Variants in ACTN2 observed in about 807,000 individuals in gnomAD.
ACTN2 encodes actinin alpha 2.
ACTN2 carries 39 observed loss-of-function variants against 113.8 expected under a neutral mutation model. That is an observed-to-expected ratio of 0.34 (90% confidence interval 0.27 to 0.45). The LOEUF (loss-of-function observed/expected upper bound fraction) is 0.45, where lower values mean the gene tolerates loss of function less well. Among genes scored for constraint, ACTN2 ranks in the 20% least tolerant of loss-of-function variants. The pLI is 1.00. For synonymous variants in ACTN2, 429 were observed against 444.1 expected (o/e 0.97, Z 0.43); for missense variants, 992 against 1,177.9 (o/e 0.84, Z 2.31).
At chr1:236,710,362 A>AT (rs1335444846) in intron 1 of ACTN2, among the ~76,000 whole-genome samples, 4 of 152,172 alleles carry the variant, frequency 2.6e-5, no homozygotes, top group Non-Finnish European at 5.9e-5. Flanking sequence ...GGACATGCAC[A>AT]TTTTCTTTTT....
At chr1:236,748,583 C>G (rs1478064685) in intron 13 of ACTN2, among the ~76,000 whole-genome samples, 1 of 152,164 alleles carries the variant, frequency 6.6e-6, no homozygotes, top group Non-Finnish European at 1.5e-5. Context: ...TGCTTGAAAT[C>G]TTGTGCTTTC....
At chr1:236,725,820 A>G in intron 4 of ACTN2, 113 bp from the exon 5 acceptor site, 1 of 908,166 alleles carries the variant, frequency 1.1e-6, no homozygotes, top group Non-Finnish European at 1.9e-6. Flanking sequence ...AGGCTGTAGG[A>G]AGAGACCCCC....
At chr1:236,708,843 C>G (rs1030435366) in intron 1 of ACTN2, among the ~76,000 whole-genome samples, 1 of 152,106 alleles carries the variant, frequency 6.6e-6, no homozygotes, top group African/African-American at 2.4e-5. Context: ...AAGGGTAAAA[C>G]GGAAATTGCA....
chr1:236,686,630 C>G lies in ACTN2; in HGVS notation c.-44C>G, dbSNP rs1340471799. 1 of 1,529,750 alleles carries G rather than the reference C, an allele frequency of 6.5e-7. No individual in the cohort carries two copies. Among genetic ancestry groups the G allele is most frequent in the Middle Eastern group, 2.1e-4 (1 of 4,816 alleles). The allele number at this position is 1,529,750 out of a possible 1,614,324, so 94.8% of individuals were successfully genotyped here. On this transcript the variant is annotated 5_prime_UTR_variant, in exon 1 of 21. Transcript: ENST00000366578. ...TCCGTTTGCCAGTCAGCCCGTGCGT[C>G]CGAGCCCCTCGCGCCCCGCCGCAGC...
At chr1:236,751,210 T>TA (rs986909039) in intron 14 of ACTN2, among the ~76,000 whole-genome samples, 19 of 151,240 alleles carry the variant, frequency 1.3e-4, no homozygotes, top group African/African-American at 3.9e-4. Context: ...GAAAACTGAT[T>TA]AAAAAAAATT....
chr1:236,695,563 T>TCACC (rs1657467279), intron 1 of ACTN2, among the ~76,000 whole-genome samples: 3 of 100,796 alleles, frequency 3.0e-5, no homozygotes, highest in African/African-American at 4.1e-5. Context: ...TGAAATGAGT[T>TCACC]CCCCCCCCCT....
chr1:236,715,133 G>C lies in ACTN2; in HGVS notation c.127-2725G>C, dbSNP rs968224292. 1.2e-4 allele frequency among the ~76,000 whole-genome samples: 18 copies of C among 150,892 alleles called. 1 individual carries two copies. Among genetic ancestry groups the C allele is most frequent in the Admixed American group, 1.1e-3 (16 of 15,118 alleles). On this transcript the variant is annotated intron_variant, in intron 1 of 20. Coordinates refer to ENST00000366578, the MANE Select transcript of ACTN2 (RefSeq NM_001103.4). The stretch of plus-strand genomic sequence containing the variant: ...GATGGATTTTTCTTTGAACCCTTTC[G>C]TACCACTTGAATTTCTTTTTCCTTT...
At chr1:236,706,856 C>T (rs567601165) in intron 1 of ACTN2, among the ~76,000 whole-genome samples, 1,577 of 152,274 alleles carry the variant, frequency 0.01, 15 homozygotes, top group South Asian at 0.04. Flanking sequence ...TGCAGGCGCA[C>T]CTGCTGGGTG....
chr1:236,697,760 CTTTTTTT>C (rs750251378), intron 1 of ACTN2, among the ~76,000 whole-genome samples: 1 of 125,034 alleles, frequency 8.0e-6, no homozygotes, highest in Admixed American at 8.3e-5. Flanking sequence ...GAAACAAGTT[CTTTTTTT>C]TTTTTTTTTT....
chr1:236,739,911 CT>C (rs1484870191), intron 10 of ACTN2, among the ~76,000 whole-genome samples: 2 of 152,052 alleles, frequency 1.3e-5, no homozygotes, highest in African/African-American at 2.4e-5. Flanking sequence ...CTCCATTTAT[CT>C]CCCTCTCTTC....
At chr1:236,744,213 G>C (rs1177305914) in intron 11 of ACTN2, among the ~76,000 whole-genome samples, 2 of 152,164 alleles carry the variant, frequency 1.3e-5, no homozygotes, top group Non-Finnish European at 2.9e-5. Flanking sequence ...GAACTAGGGT[G>C]GGGTAGGACT....
At chr1:236,710,384 C>T (rs1657988692) in intron 1 of ACTN2, among the ~76,000 whole-genome samples, 1 of 152,238 alleles carries the variant, frequency 6.6e-6, no homozygotes, top group Admixed American at 6.5e-5. Context: ...CCGTTAAGCA[C>T]ATTGTGCTGA....
rs369554333 is a variant in ACTN2, at chr1:236,695,135, G to T, written c.126+8336G>T. On this transcript the variant is annotated intron_variant, in intron 1 of 20. Transcript: ENST00000366578. ...TAATCCCAGCCCTTTGGGAGGCTGA[G>T]GCAGGTGAATCAGATGAGGCCAGGA... is the stretch of plus-strand genomic sequence containing the variant. 7.9e-5 allele frequency among the ~76,000 whole-genome samples: 12 copies of T among 151,978 alleles called. No homozygotes were observed. In the East Asian group the frequency reaches 2.3e-3, roughly 29 times the overall value.
chr1:236,748,374 A>G (rs570816973), intron 13 of ACTN2, among the ~76,000 whole-genome samples: 59 of 152,140 alleles, frequency 3.9e-4, no homozygotes, highest in Non-Finnish European at 7.2e-4. Context: ...AAGCTTCCCA[A>G]ATGCCAAATG....
Position 236,731,202 on chromosome 1 carries a change from T to G in ACTN2, c.616-31T>G, listed in dbSNP as rs754001787. ...ATAAGTCTTGTTTCAAAATATATTT[T>G]AAAAATCTGACTGTCTTGGTTTTCA... is the stretch of plus-strand genomic sequence containing the variant. On this transcript the variant is annotated intron_variant, in intron 6 of 20. Coordinates refer to ENST00000366578, the MANE Select transcript of ACTN2 (RefSeq NM_001103.4). The G allele has an allele frequency of 3.2e-6, 5 of 1,557,370 alleles. No individual in the cohort carries two copies. In the Admixed American group the frequency reaches 6.7e-5, roughly 21 times the overall value.
At chr1:236,741,952 G>A (rs531605334) in intron 10 of ACTN2, among the ~76,000 whole-genome samples, 19 of 152,092 alleles carry the variant, frequency 1.2e-4, no homozygotes, top group African/African-American at 1.4e-4. Flanking sequence ...GCACTCCACC[G>A]CTGCCACACC....
chr1:236,737,362 C>T (rs1176484653), intron 9 of ACTN2, 148 bp downstream of exon 9: 8 of 258,024 alleles, frequency 3.1e-5, no homozygotes, highest in African/African-American at 1.8e-4. Flanking sequence ...GGAAAATACA[C>T]TTGATCTCTG....
At chr1:236,710,903 C>A (rs1263167536) in intron 1 of ACTN2, among the ~76,000 whole-genome samples, 1 of 152,126 alleles carries the variant, frequency 6.6e-6, no homozygotes, top group African/African-American at 2.4e-5. Flanking sequence ...CTACCCCCCA[C>A]CCGTGGAAAA....
At chr1:236,718,838 T>A in intron 2 of ACTN2, 56 bp from the exon 3 acceptor site, 1 of 1,612,726 alleles carries the variant, frequency 6.2e-7, no homozygotes. Flanking sequence ...GCATCTTGAT[T>A]CCGCATCAAG....
Sources: allele counts gnomAD v4.1 joint callset (sites outside exome capture counted in the v4.1 genomes callset), GRCh38; gene constraint gnomAD v4.1.1; transcripts MANE v1.5; gene names NCBI Gene and HGNC (gene_info 2026-07-23, HGNC 2026-07-21).